Variants in HNRNPLL observed in about 807,000 individuals in gnomAD.
HNRNPLL encodes heterogeneous nuclear ribonucleoprotein L-like.
HNRNPLL carries 25 observed loss-of-function variants against 67.1 expected under a neutral mutation model. The ratio of observed to expected loss-of-function variants is 0.37; its 90% CI spans 0.27 to 0.52. The LOEUF (loss-of-function observed/expected upper bound fraction) is 0.52, where lower values mean the gene tolerates loss of function less well. Ranked by LOEUF, HNRNPLL falls within the 20% of genes least tolerant of loss-of-function variation. The pLI is 0.90. For synonymous variants in HNRNPLL, 267 were observed against 241.7 expected, an observed-to-expected ratio of 1.10 and a Z score of -0.97; for missense variants, 542 against 673.9, an observed-to-expected ratio of 0.80 and a Z score of 2.17.
chr2:38,602,648 C>T lies in HNRNPLL; in HGVS notation c.-22G>A. On this transcript the variant is annotated 5_prime_UTR_variant, in exon 1 of 13. Transcript: ENST00000449105. Reference sequence around the variant, plus strand: ...ACATGGCGGCGGCCGGAGGGACCGGCTGGCAGGCGGGTGGGGGTGGCGGTG... The same window carrying T: ...ACATGGCGGCGGCCGGAGGGACCGGTTGGCAGGCGGGTGGGGGTGGCGGTG... 1.3e-6 allele frequency: 2 copies of T among 1,487,304 alleles called. No individual in the cohort carries two copies. The highest frequency in any genetic ancestry group is 1.8e-6 in the Non-Finnish European group (2 of 1,122,098). 92.1% of individuals were successfully genotyped at this position (1,487,304 alleles called of 1,614,324 possible).
chr2:38,578,796 T>C (rs1478933132), intron 6 of HNRNPLL, among the ~76,000 whole-genome samples: 1 of 152,106 alleles, frequency 6.6e-6, no homozygotes, highest in Non-Finnish European at 1.5e-5. Context: ...CCTCTACCCA[T>C]ATTCTACCCC....
intron 12 of HNRNPLL, among the ~76,000 whole-genome samples, chr2:38,565,306 T>G (rs1453220206): frequency 6.6e-6 from 1 of 152,222 alleles, no homozygotes; most frequent in Admixed American, 6.5e-5. Context: ...ATCTATATAC[T>G]GTCTCTAAGG....
chr2:38,576,538 G>GACACAC (rs145329576), intron 7 of HNRNPLL, among the ~76,000 whole-genome samples: 2 of 150,812 alleles, frequency 1.3e-5, no homozygotes, highest in African/African-American at 4.9e-5. Flanking sequence ...GAACCTTGAA[G>GACACAC]ACACACACAC....
At chr2:38,587,581 A>G (rs1007061966) in intron 2 of HNRNPLL, among the ~76,000 whole-genome samples, 1 of 152,234 alleles carries the variant, frequency 6.6e-6, no homozygotes, top group African/African-American at 2.4e-5. Context: ...CTGAAGTTCT[A>G]AAGTCTTGCA....
At chr2:38,597,664 G>A (rs72795161) in intron 1 of HNRNPLL, among the ~76,000 whole-genome samples, 6 of 151,938 alleles carry the variant, frequency 3.9e-5, no homozygotes, top group Non-Finnish European at 7.4e-5. Context: ...GTAAAATTAT[G>A]GCCATATGAG....
At chr2:38,577,970 T>C (rs1278717861) in intron 6 of HNRNPLL, 1 of 471,126 alleles carries the variant, frequency 2.1e-6, no homozygotes, top group South Asian at 1.5e-5. Context: ...AGTGGGCTTC[T>C]TTCAAGAAGT....
chr2:38,587,644 G>GA (rs138578729), intron 2 of HNRNPLL, among the ~76,000 whole-genome samples: 8,533 of 152,104 alleles, frequency 0.056, 447 homozygotes, highest in African/African-American at 0.14. Context: ...AATTCAAGAA[G>GA]AAAAAATCTT....
intron 8 of HNRNPLL, among the ~76,000 whole-genome samples, chr2:38,571,990 G>C (rs1666104897): frequency 6.6e-6 from 1 of 152,068 alleles, no homozygotes; most frequent in Non-Finnish European, 1.5e-5. Flanking sequence ...GTCTGCATAT[G>C]TGAAAAACAC....
intron 12 of HNRNPLL, among the ~76,000 whole-genome samples, chr2:38,565,509 C>T (rs1035626590): frequency 1.8e-4 from 27 of 151,916 alleles, no homozygotes; most frequent in African/African-American, 6.5e-4. Context: ...AGTTCAAGAC[C>T]ACCAGCCTGG....
At chr2:38,572,288 G>C (rs1666121349) in intron 8 of HNRNPLL, among the ~76,000 whole-genome samples, 1 of 151,940 alleles carries the variant, frequency 6.6e-6, no homozygotes, top group African/African-American at 2.4e-5. Flanking sequence ...ATTCTGAAGG[G>C]TTGCTTCCTC....
chr2:38,587,936 G>A (rs970023880), intron 2 of HNRNPLL, among the ~76,000 whole-genome samples: 1 of 152,052 alleles, frequency 6.6e-6, no homozygotes, highest in Non-Finnish European at 1.5e-5. Flanking sequence ...TTGACAGTGT[G>A]TGACACCTGC....
intron 6 of HNRNPLL, 55 bp downstream of exon 6, chr2:38,581,858 C>T: frequency 9.2e-7 from 1 of 1,082,326 alleles, no homozygotes. Context: ...AATCTAACTG[C>T]ATATAAAAAT....
chr2:38,600,030 C>T (rs1022166539), intron 1 of HNRNPLL: 22 of 392,136 alleles, frequency 5.6e-5, no homozygotes, highest in Non-Finnish European at 4.7e-5. Flanking sequence ...AGACAGTAAA[C>T]TTCTATCCGG....
intron 2 of HNRNPLL, among the ~76,000 whole-genome samples, chr2:38,589,282 C>A (rs1200095078): frequency 6.6e-6 from 1 of 152,100 alleles, no homozygotes; most frequent in African/African-American, 2.4e-5. Context: ...TATAAGCTTA[C>A]TACATACTGA....
intron 7 of HNRNPLL, among the ~76,000 whole-genome samples, chr2:38,574,392 T>C (rs1270825575): frequency 1.3e-5 from 2 of 151,788 alleles, no homozygotes; most frequent in South Asian, 2.1e-4. Context: ...ATGCTCCTAA[T>C]AATAACAGAA....
chr2:38,595,477 C>T (rs1030955904), intron 1 of HNRNPLL, among the ~76,000 whole-genome samples: 1 of 151,932 alleles, frequency 6.6e-6, no homozygotes, highest in East Asian at 1.9e-4. Flanking sequence ...CAAAAAAAAT[C>T]TCCTTTTAAT....
intron 12 of HNRNPLL, among the ~76,000 whole-genome samples, chr2:38,566,380 C>CAAAAAAAAAAAAAACA (rs71402235): frequency 8.4e-6 from 1 of 119,136 alleles, no homozygotes; most frequent in Non-Finnish European, 1.8e-5. Flanking sequence ...AAAAAAAAAC[C>CAAAAAAAAAAAAAACA]AAAAAAAAAA....
intron 12 of HNRNPLL, among the ~76,000 whole-genome samples, chr2:38,565,428 C>T (rs765849207): frequency 4.0e-5 from 6 of 151,874 alleles, no homozygotes; most frequent in Non-Finnish European, 8.8e-5. Context: ...AGAAGAAAGC[C>T]GACACTGTGG....
At position 38,562,000 on chromosome 2, in the gene HNRNPLL, A is replaced by C. The variant is rs748246470; in HGVS notation, c.*2182T>G. On this transcript the variant is annotated 3_prime_UTR_variant, in exon 13 of 13. Transcript: ENST00000449105. ...AACTCAGTTTGGCAGATTTATTATC[A>C]AATGTGTAGTAGGATTTGGATACAG... 22 of 152,350 alleles carry C rather than the reference A, an allele frequency of 1.4e-4. No homozygotes were observed. The highest frequency in any genetic ancestry group is 2.6e-4 in the Non-Finnish European group (18 of 68,024). 9.4% of individuals were successfully genotyped at this position (152,350 alleles called of 1,614,324 possible). A position where few individuals can be genotyped will look rare whatever the true frequency, so the allele number is the denominator to read the frequency against.
Sources: allele counts gnomAD v4.1 joint callset (sites outside exome capture counted in the v4.1 genomes callset), GRCh38; gene constraint gnomAD v4.1.1; transcripts MANE v1.5; gene names NCBI Gene and HGNC (gene_info 2026-07-23, HGNC 2026-07-21).